Variants in JPH3 observed in about 807,000 individuals in gnomAD.
JPH3 encodes the protein junctophilin-3.
A neutral mutation model predicts 59.6 loss-of-function variants in JPH3; 11 were observed. That is an observed-to-expected ratio of 0.18 (90% CI 0.12 to 0.31). The LOEUF (loss-of-function observed/expected upper bound fraction) is 0.31. Among genes scored for constraint, JPH3 ranks in the 10% least tolerant of loss-of-function variants. The pLI is 1.00. For synonymous variants in JPH3, 673 were observed against 483.6 expected (o/e 1.39, Z -5.14); for missense variants, 1,202 against 1,105.7 (o/e 1.09, Z -1.24).
rs980718623 is a variant in JPH3, at chr16:87,644,933, C to A, written c.1058C>A (p.Pro353His). 1 of 1,612,362 alleles carries A rather than the reference C, an allele frequency of 6.2e-7. No individual in the cohort carries two copies. Among genetic ancestry groups the A allele is most frequent in the African/African-American group, 1.3e-5 (1 of 74,880 alleles). ...GGCGGCAAGCGCAAGAACCTCATCC[C>A]CCTGCGGGCCAGCAAGATCCGCGAG... ...LVGGKRKNLI[P>H]LRASKIREKV... The change falls in exon 2 of 5, where the codon CCC (proline) becomes CAC (histidine). Residue 353 changes from proline to histidine, a missense_variant. By Grantham distance (77) the Pro-to-His change is moderately conservative. Coordinates refer to ENST00000284262, the MANE Select transcript of JPH3 (RefSeq NM_020655.4).
intron 2 of JPH3, among the ~76,000 whole-genome samples, chr16:87,682,673 C>A (rs969134824): frequency 6.6e-6 from 1 of 152,222 alleles, no homozygotes; most frequent in African/African-American, 2.4e-5. Flanking sequence ...ATGAGCCGCC[C>A]AAGCTGCGGT....
intron 1 of JPH3, among the ~76,000 whole-genome samples, chr16:87,624,778 C>T (rs901797553): frequency 1.3e-5 from 2 of 152,192 alleles, no homozygotes; most frequent in Non-Finnish European, 2.9e-5. Context: ...ACATACCCCA[C>T]AGCTTTTTTT....
intron 2 of JPH3, among the ~76,000 whole-genome samples, chr16:87,675,544 C>T (rs1597282757): frequency 6.6e-6 from 1 of 152,308 alleles, no homozygotes; most frequent in Non-Finnish European, 1.5e-5. Context: ...CTGCCGGCAG[C>T]CCGCAGTGGC....
chr16:87,667,205 C>A (rs570999984), intron 2 of JPH3, among the ~76,000 whole-genome samples: 192 of 152,350 alleles, frequency 1.3e-3, no homozygotes, highest in African/African-American at 4.1e-3. Flanking sequence ...CTGCCCCGTC[C>A]TGAGCACAGC....
intron 1 of JPH3, among the ~76,000 whole-genome samples, chr16:87,632,285 C>A (rs1030279200): frequency 1.3e-5 from 2 of 152,206 alleles, no homozygotes; most frequent in African/African-American, 4.8e-5. Context: ...AAAAAAAGAG[C>A]ACTTCCCTGG....
At chr16:87,658,505 C>T (rs1416952352) in intron 2 of JPH3, among the ~76,000 whole-genome samples, 2 of 152,022 alleles carry the variant, frequency 1.3e-5, no homozygotes, top group Admixed American at 6.6e-5. Context: ...CTCTTTTTCT[C>T]GTTCTCTGTC....
At chr16:87,675,574 G>A (rs2033124025) in intron 2 of JPH3, among the ~76,000 whole-genome samples, 1 of 152,234 alleles carries the variant, frequency 6.6e-6, no homozygotes, top group Non-Finnish European at 1.5e-5. Flanking sequence ...CTGTGGGAGG[G>A]CCTTTCTGTG....
At chr16:87,621,083 C>T (rs1480806815) in intron 1 of JPH3, among the ~76,000 whole-genome samples, 6 of 152,216 alleles carry the variant, frequency 3.9e-5, no homozygotes, top group Non-Finnish European at 4.4e-5. Flanking sequence ...TGCTTGAGCC[C>T]GGGAGGCGGA....
chr16:87,683,663 G>A (rs1296757461), intron 2 of JPH3, among the ~76,000 whole-genome samples: 9 of 150,080 alleles, frequency 6.0e-5, no homozygotes, highest in African/African-American at 2.0e-4. Flanking sequence ...CTGGAGTGCA[G>A]TGACGCGATC....
In JPH3 at chr16:87,644,766, C is replaced by A. The variant is rs926962070; in HGVS notation, c.891C>A (p.Arg297=). 3 of 1,613,242 alleles carry A rather than the reference C, an allele frequency of 1.9e-6. No individual in the cohort carries two copies. In the African/African-American group the frequency reaches 4.0e-5, roughly 22 times the overall value. Residue 297 remains arginine (R), a synonymous_variant, in exon 2 of 5, where the codon CGC becomes CGA. Transcript: ENST00000284262. ...TGGGCGAGTGGAAGAACGACAAACGCTCCGGCTTCGGCGTGAGCCAGCGCT... is the reference window on the plus strand; with the variant it reads ...TGGGCGAGTGGAAGAACGACAAACGATCCGGCTTCGGCGTGAGCCAGCGCT... ...TYVGEWKNDK[R]SGFGVSQRSD...
At chr16:87,696,166 C>T (rs761525015) in intron 4 of JPH3, 44 of 455,564 alleles carry the variant, frequency 9.7e-5, no homozygotes, top group African/African-American at 4.8e-4. Context: ...GGCAGCCATG[C>T]GGGCCCTTCT....
chr16:87,616,738 G>A (rs556798826), intron 1 of JPH3, among the ~76,000 whole-genome samples: 2 of 152,242 alleles, frequency 1.3e-5, no homozygotes, highest in Admixed American at 1.3e-4. Flanking sequence ...GAGCACCCGC[G>A]CCCCGGGGTC....
intron 1 of JPH3, among the ~76,000 whole-genome samples, chr16:87,640,351 A>C (rs1597254040): frequency 6.6e-6 from 1 of 151,312 alleles, no homozygotes; most frequent in East Asian, 2.0e-4. Context: ...TTGTCCGGTT[A>C]CCTGTGCATG....
intron 2 of JPH3, among the ~76,000 whole-genome samples, chr16:87,676,222 C>G (rs1421442897): frequency 6.6e-6 from 1 of 152,196 alleles, no homozygotes; most frequent in Non-Finnish European, 1.5e-5. Context: ...TCAATGAGAC[C>G]AGAATCCCTA....
chr16:87,657,360 G>T (rs2032537402), intron 2 of JPH3, among the ~76,000 whole-genome samples: 1 of 152,188 alleles, frequency 6.6e-6, no homozygotes, highest in Non-Finnish European at 1.5e-5. Context: ...GAGATTCATG[G>T]GGACAGGGAG....
chr16:87,617,439 C>A (rs1203424213), intron 1 of JPH3, among the ~76,000 whole-genome samples: 1 of 152,072 alleles, frequency 6.6e-6, no homozygotes, highest in Non-Finnish European at 1.5e-5. Context: ...TCGCTTTCCC[C>A]CAGTGGATGC....
chr16:87,666,636 C>T (rs1048780425), intron 2 of JPH3, among the ~76,000 whole-genome samples: 3 of 152,160 alleles, frequency 2.0e-5, no homozygotes, highest in Admixed American at 6.5e-5. Context: ...GGGCTCAAGC[C>T]AGAGAGGGGC....
chr16:87,642,719 G>A (rs1037563258), intron 1 of JPH3, among the ~76,000 whole-genome samples: 8 of 152,186 alleles, frequency 5.3e-5, no homozygotes, highest in Non-Finnish European at 1.0e-4. Context: ...GTTGGGCGTC[G>A]TGCTGAGGCC....
intron 1 of JPH3, among the ~76,000 whole-genome samples, chr16:87,610,678 A>G (rs889898927): frequency 2.6e-5 from 4 of 152,192 alleles, no homozygotes; most frequent in African/African-American, 9.7e-5. Context: ...GCATTAAAAC[A>G]TGCCTGTTCT....
Sources: gnomAD v4.1 joint callset for allele counts (sites outside exome capture counted in the v4.1 genomes callset) on GRCh38, gnomAD v4.1.1 for gene constraint, MANE v1.5 for transcripts, NCBI Gene and HGNC (gene_info 2026-07-23, HGNC 2026-07-21) for gene names.